ARHGAP6: variants seen among roughly 807,000 people sequenced by gnomAD.
The protein encoded by ARHGAP6 is rho GTPase-activating protein 6.
In ARHGAP6, 16 loss-of-function variants were observed where a neutral mutation model predicts 55.7. That is an observed-to-expected ratio of 0.29 (90% CI 0.19 to 0.44). The LOEUF (loss-of-function observed/expected upper bound fraction) is 0.44, where lower values mean the gene tolerates loss of function less well. Among genes scored for constraint, ARHGAP6 ranks in the 20% least tolerant of loss-of-function variants. The probability of loss-of-function intolerance (pLI) is 1.00; values close to 1 mark genes in which losing one functional copy is unlikely to be tolerated. For synonymous variants in ARHGAP6, 382 were observed against 360.9 expected (o/e 1.06, Z -0.66); for missense variants, 698 against 808.9 (o/e 0.86, Z 1.66).
chrX:11,292,461 G>A (rs2048011398), intron 1 of ARHGAP6, among the ~76,000 whole-genome samples: 1 of 111,489 alleles, frequency 9.0e-6, no homozygotes, highest in African/African-American at 3.3e-5. Context: ...GAAAGGGGAG[G>A]CTGCTGAGAA....
intron 1 of ARHGAP6, among the ~76,000 whole-genome samples, chrX:11,482,185 G>A (rs1030949736): frequency 5.4e-5 from 6 of 112,056 alleles, no homozygotes; most frequent in African/African-American, 1.6e-4. Flanking sequence ...TCTACAGTGC[G>A]CAGGATAGTC....
At position 11,345,391 on chromosome X, in the gene ARHGAP6, A is replaced by T. The variant is rs1227758073; in HGVS notation, c.589-90684T>A. Among the ~76,000 whole-genome samples, 4 of 112,481 alleles carry T rather than the reference A, an allele frequency of 3.6e-5. No individual in the cohort carries two copies. The Admixed American group carries it at 3.8e-4, about 11-fold the overall frequency. On this transcript the variant is annotated intron_variant, in intron 1 of 12. Transcript: ENST00000337414. ...GTCAATGAAAGGGATTCTTTATTTTAAAAAAGATAAAAATATCCAAAGCAA... is the reference window on the plus strand; with the variant it reads ...GTCAATGAAAGGGATTCTTTATTTTTAAAAAGATAAAAATATCCAAAGCAA...
chrX:11,543,959 T>C (rs781727871), intron 1 of ARHGAP6, among the ~76,000 whole-genome samples: 7 of 112,936 alleles, frequency 6.2e-5, no homozygotes, highest in South Asian at 7.2e-4. Context: ...TGTTATAGAT[T>C]GATTACCCAA....
At chrX:11,240,402 A>G (rs1431343220) in intron 2 of ARHGAP6, among the ~76,000 whole-genome samples, 3 of 112,038 alleles carry the variant, frequency 2.7e-5, no homozygotes, top group African/African-American at 9.7e-5. Flanking sequence ...AGTGGGACCA[A>G]TGCAATGCTC....
chrX:11,450,850 A>G (rs2050137489), intron 1 of ARHGAP6, among the ~76,000 whole-genome samples: 1 of 111,369 alleles, frequency 9.0e-6, no homozygotes, highest in Non-Finnish European at 1.9e-5. Flanking sequence ...CATTGTTGTG[A>G]CAATCAAAAT....
intron 1 of ARHGAP6, among the ~76,000 whole-genome samples, chrX:11,270,489 G>A (rs1260169992): frequency 8.9e-6 from 1 of 111,886 alleles, no homozygotes; most frequent in African/African-American, 3.2e-5. Flanking sequence ...TAAGGAGAGG[G>A]ACAGGTATTT....
chrX:11,570,033 ATG>A (rs1163051842), intron 1 of ARHGAP6, among the ~76,000 whole-genome samples: 1 of 112,386 alleles, frequency 8.9e-6, no homozygotes. Context: ...GTGAAAAGAA[ATG>A]TGTTAGAAAC....
chrX:11,443,291 ATTG>A (rs201123074), intron 1 of ARHGAP6, among the ~76,000 whole-genome samples: 8,862 of 112,257 alleles, frequency 0.079, 406 homozygotes, highest in East Asian at 0.18. Context: ...TCCCTTTTCT[ATTG>A]TTGATAGACA....
intron 1 of ARHGAP6, among the ~76,000 whole-genome samples, chrX:11,554,345 G>T (rs979049572): frequency 1.8e-5 from 2 of 111,964 alleles, no homozygotes; most frequent in Non-Finnish European, 3.8e-5. Context: ...CAAACATACA[G>T]TTAGATAGAG....
At chrX:11,300,876 A>G in intron 1 of ARHGAP6, 2 of 264,260 alleles carry the variant, frequency 7.6e-6, no homozygotes, top group Non-Finnish European at 1.4e-5. Context: ...CAAATTCACC[A>G]TTTGGCAAGC....
chrX:11,346,240 T>C (rs1860494206), intron 1 of ARHGAP6, among the ~76,000 whole-genome samples: 1 of 112,128 alleles, frequency 8.9e-6, no homozygotes, highest in Non-Finnish European at 1.9e-5. Flanking sequence ...TCCAGTCCAC[T>C]GTCTGTTTCT....
intron 1 of ARHGAP6, among the ~76,000 whole-genome samples, chrX:11,566,956 T>C (rs138483695): frequency 0.013 from 1,447 of 111,981 alleles, 19 homozygotes; most frequent in African/African-American, 0.044. Context: ...TGGGAAAACA[T>C]AATTTCCAAA....
intron 1 of ARHGAP6, among the ~76,000 whole-genome samples, chrX:11,525,226 T>C (rs2050976904): frequency 1.8e-5 from 2 of 111,830 alleles, no homozygotes; most frequent in African/African-American, 6.5e-5. Flanking sequence ...CTCCGGTTGT[T>C]GGCAACCAAA....
At chrX:11,351,226 T>C (rs1439212783) in intron 1 of ARHGAP6, among the ~76,000 whole-genome samples, 1 of 111,809 alleles carries the variant, frequency 8.9e-6, no homozygotes, top group Non-Finnish European at 1.9e-5. Flanking sequence ...CAGGAGATCA[T>C]AATCAGAACT....
At chrX:11,472,249 A>C (rs751012728) in intron 1 of ARHGAP6, among the ~76,000 whole-genome samples, 4 of 111,794 alleles carry the variant, frequency 3.6e-5, no homozygotes, top group Admixed American at 9.5e-5. Context: ...TTGTAAGAAC[A>C]AAAAAATCTC....
intron 1 of ARHGAP6, among the ~76,000 whole-genome samples, chrX:11,581,060 A>G (rs1022697218): frequency 1.8e-5 from 2 of 112,286 alleles, no homozygotes; most frequent in African/African-American, 6.5e-5. Context: ...TAGCTCAATA[A>G]AAATTACCAG....
At chrX:11,516,564 C>G (rs1241975838) in intron 1 of ARHGAP6, among the ~76,000 whole-genome samples, 1 of 111,988 alleles carries the variant, frequency 8.9e-6, no homozygotes, top group Non-Finnish European at 1.9e-5. Flanking sequence ...CTAACATTTA[C>G]TGTGCATTCT....
At chrX:11,429,797 C>A (rs191241025) in intron 1 of ARHGAP6, among the ~76,000 whole-genome samples, 2 of 112,187 alleles carry the variant, frequency 1.8e-5, no homozygotes, top group African/African-American at 6.5e-5. Context: ...CTAAAAGCAA[C>A]CTTTAGAGCA....
At chrX:11,451,583 T>G (rs1476860933) in intron 1 of ARHGAP6, among the ~76,000 whole-genome samples, 2 of 111,909 alleles carry the variant, frequency 1.8e-5, no homozygotes, top group Admixed American at 1.9e-4. Flanking sequence ...AGAACAACAT[T>G]CTGGAGACTC....
Sources: gnomAD v4.1 joint callset for allele counts (sites outside exome capture counted in the v4.1 genomes callset) on GRCh38, gnomAD v4.1.1 for gene constraint, MANE v1.5 for transcripts, NCBI Gene and HGNC (gene_info 2026-07-23, HGNC 2026-07-21) for gene names.